ADAMTSL1: variants seen among roughly 807,000 people sequenced by gnomAD.
The protein encoded by ADAMTSL1 is ADAMTS like 1.
ADAMTSL1 carries 126 observed loss-of-function variants against 201.8 expected under a neutral mutation model. The ratio of observed to expected loss-of-function variants is 0.62; its 90% confidence interval spans 0.54 to 0.72. The LOEUF (loss-of-function observed/expected upper bound fraction) is 0.72, where lower values mean the gene tolerates loss of function less well. Among genes scored for constraint, ADAMTSL1 ranks in the 30% least tolerant of loss-of-function variants. The pLI, the probability that ADAMTSL1 is intolerant of heterozygous loss-of-function variation, is 0.00. For synonymous variants in ADAMTSL1, 1,121 were observed against 903.4 expected (o/e 1.24, Z -4.32); for missense variants, 2,679 against 2,277.8 (o/e 1.18, Z -3.59).
intron 3 of ADAMTSL1, among the ~76,000 whole-genome samples, chr9:18,547,633 T>TAAAAAA (rs56789652): frequency 1.9e-4 from 16 of 86,208 alleles, no homozygotes; most frequent in African/African-American, 4.7e-4. Flanking sequence ...TATATATATA[T>TAAAAAA]AAAAAAAAAA....
chr9:18,617,754 A>G (rs1353690097), intron 4 of ADAMTSL1, among the ~76,000 whole-genome samples: 1 of 152,198 alleles, frequency 6.6e-6, no homozygotes, highest in East Asian at 1.9e-4. Context: ...GGTAAGTTTC[A>G]GGGTGCTATT....
chr9:18,010,577 G>A (rs1466045181), intron 1 of ADAMTSL1, among the ~76,000 whole-genome samples: 1 of 152,004 alleles, frequency 6.6e-6, no homozygotes, highest in Non-Finnish European at 1.5e-5. Flanking sequence ...AAGGATAGGT[G>A]TCAATTCCAT....
intron 1 of ADAMTSL1, among the ~76,000 whole-genome samples, chr9:18,499,463 G>T (rs1822716119): frequency 6.6e-6 from 1 of 152,200 alleles, no homozygotes; most frequent in Non-Finnish European, 1.5e-5. Flanking sequence ...TGTGGGTAGG[G>T]CAGCTAAAAA....
chr9:18,134,200 G>A (rs7850977), intron 1 of ADAMTSL1, among the ~76,000 whole-genome samples: 61,124 of 151,974 alleles, frequency 0.4, 13,175 homozygotes, highest in South Asian at 0.48. Context: ...AAGAAATGGG[G>A]CTCTAACCTG....
At chr9:17,998,569 A>G (rs1316583846) in intron 1 of ADAMTSL1, among the ~76,000 whole-genome samples, 1 of 152,098 alleles carries the variant, frequency 6.6e-6, no homozygotes, top group Non-Finnish European at 1.5e-5. Context: ...TTCAGTAATC[A>G]CAGGGTATGT....
At position 18,509,160 on chromosome 9, in the gene ADAMTSL1, C is replaced by T. The variant is rs1037662635; in HGVS notation, c.191+4204C>T. On this transcript the variant is annotated intron_variant, in intron 2 of 28. Coordinates refer to ENST00000380548, the MANE Select transcript of ADAMTSL1 (RefSeq NM_001040272.6). ...GATTGCGCCACTGCAGTCCGCAGTC[C>T]GGCCTGGGCGACAGAGCGAGACTCC... 9.9e-5 allele frequency among the ~76,000 whole-genome samples: 7 copies of T among 70,374 alleles called. No homozygotes were observed. The Admixed American group carries it at 1.1e-3, about 11-fold the overall frequency. The allele number at this position is 70,374 out of a possible 152,430, so 46.2% of individuals were successfully genotyped here. A position where few individuals can be genotyped will look rare whatever the true frequency, so the allele number is the denominator to read the frequency against.
At chr9:18,553,903 C>T (rs575386862) in intron 3 of ADAMTSL1, among the ~76,000 whole-genome samples, 87 of 151,740 alleles carry the variant, frequency 5.7e-4, no homozygotes, top group African/African-American at 2.1e-3. Context: ...TTATTTTATT[C>T]TCATTAGACT....
chr9:18,497,514 G>A (rs1029808461), intron 1 of ADAMTSL1, among the ~76,000 whole-genome samples: 2 of 152,138 alleles, frequency 1.3e-5, no homozygotes, highest in South Asian at 4.1e-4. Flanking sequence ...AATTAAAGGA[G>A]TTTGAAATCT....
At chr9:18,358,373 A>G (rs934495375) in intron 2 of ADAMTSL1, among the ~76,000 whole-genome samples, 16 of 152,170 alleles carry the variant, frequency 1.1e-4, no homozygotes, top group Non-Finnish European at 1.9e-4. Flanking sequence ...TTTTATAGAG[A>G]TAAAATCCAT....
At chr9:18,712,662 T>G (rs576353078) in intron 14 of ADAMTSL1, among the ~76,000 whole-genome samples, 3 of 150,546 alleles carry the variant, frequency 2.0e-5, no homozygotes, top group Admixed American at 6.6e-5. Context: ...GGAACCAAGT[T>G]GGAAAACACT....
intron 23 of ADAMTSL1, among the ~76,000 whole-genome samples, chr9:18,842,772 C>G (rs1171600153): frequency 6.6e-6 from 1 of 152,112 alleles, no homozygotes; most frequent in African/African-American, 2.4e-5. Flanking sequence ...TTGAATTGAT[C>G]CCTTTACCAT....
At chr9:18,844,797 A>T (rs557702074) in intron 23 of ADAMTSL1, among the ~76,000 whole-genome samples, 1 of 152,292 alleles carries the variant, frequency 6.6e-6, no homozygotes, top group African/African-American at 2.4e-5. Context: ...TCAGACTGCC[A>T]TGCTAGCAAT....
chr9:18,466,215 T>C (rs890240527), intron 2 of ADAMTSL1, among the ~76,000 whole-genome samples: 6 of 152,206 alleles, frequency 3.9e-5, no homozygotes, highest in Non-Finnish European at 8.8e-5. Flanking sequence ...ATTGCACATG[T>C]AAAAAGAGAT....
At chr9:18,452,579 T>C (rs1245308180) in intron 2 of ADAMTSL1, among the ~76,000 whole-genome samples, 3 of 152,196 alleles carry the variant, frequency 2.0e-5, no homozygotes, top group Non-Finnish European at 1.5e-5. Context: ...TCAAATTTCT[T>C]TCTAGCTACA....
At chr9:18,364,980 C>G (rs949850159) in intron 2 of ADAMTSL1, among the ~76,000 whole-genome samples, 3 of 152,098 alleles carry the variant, frequency 2.0e-5, no homozygotes, top group African/African-American at 7.2e-5. Context: ...CCTCCAACAC[C>G]GGGGATTACA....
At chr9:18,709,404 G>A (rs1832422268) in intron 14 of ADAMTSL1, among the ~76,000 whole-genome samples, 1 of 152,080 alleles carries the variant, frequency 6.6e-6, no homozygotes, top group Non-Finnish European at 1.5e-5. Flanking sequence ...TTAACAAATA[G>A]ATTTTAAATC....
intron 1 of ADAMTSL1, among the ~76,000 whole-genome samples, chr9:18,067,646 G>C (rs558013903): frequency 1.4e-3 from 219 of 152,312 alleles, no homozygotes; most frequent in Non-Finnish European, 2.7e-3. Context: ...TCAGGATGGA[G>C]GGGCGGTGAA....
chr9:18,455,048 AATTG>A (rs1158588076), intron 2 of ADAMTSL1, among the ~76,000 whole-genome samples: 1 of 152,140 alleles, frequency 6.6e-6, no homozygotes. Flanking sequence ...CTGTATGCCA[AATTG>A]ATTATGATTT....
At chr9:18,054,136 ATG>A (rs888031594) in intron 1 of ADAMTSL1, among the ~76,000 whole-genome samples, 20 of 152,022 alleles carry the variant, frequency 1.3e-4, no homozygotes, top group African/African-American at 3.9e-4. Context: ...CAGGAAATAT[ATG>A]TGTGTGTCTA....
Sources: allele counts gnomAD v4.1 joint callset (sites outside exome capture counted in the v4.1 genomes callset), GRCh38; gene constraint gnomAD v4.1.1; transcripts MANE v1.5; gene names NCBI Gene and HGNC (gene_info 2026-07-23, HGNC 2026-07-21).